The following ZNF273 variants were observed in gnomAD, a reference collection of about 807,000 sequenced individuals.
The protein encoded by ZNF273 is zinc finger protein 9.
A neutral mutation model predicts 14.9 loss-of-function variants in ZNF273; 11 were observed. The ratio of observed to expected loss-of-function variants is 0.74; its 90% CI spans 0.46 to 1.22. ZNF273 has a LOEUF of 1.22. ZNF273 is among the 50% of genes most tolerant of loss of function. The pLI is 0.00. For synonymous variants in ZNF273, 199 were observed against 223.9 expected (o/e 0.89, Z 0.99); for missense variants, 577 against 660.6 (o/e 0.87, Z 1.39).
rs376550406 is a variant in ZNF273 at position 64,929,855 on chromosome 7, G to GTTTT, written c.*820_*823dup. The GTTTT allele has an allele frequency of 4.1e-5, 6 of 148,082 alleles. No individual in the cohort carries two copies. Among genetic ancestry groups the GTTTT allele is most frequent in the East Asian group, 4.1e-4 (2 of 4,832 alleles). The allele number at this position is 148,082 out of a possible 1,614,324, so 9.2% of individuals were successfully genotyped here. On this transcript the variant is annotated 3_prime_UTR_variant, in exon 4 of 4. Coordinates refer to ENST00000476120, the MANE Select transcript of ZNF273 (RefSeq NM_021148.3). ...TTTTTTTTTTTGGTTTTGGTTTTGG[G>GTTTT]TTTTTTGTTTGTTTGTTTGTTTGTT...
At position 64,930,425 on chromosome 7, in the gene ZNF273, A is replaced by T. The variant is rs1794964473; in HGVS notation, c.*1387A>T. The T allele has an allele frequency of 6.6e-6, 1 of 152,142 alleles. No homozygotes were observed. Among genetic ancestry groups the T allele is most frequent in the South Asian group, 2.1e-4 (1 of 4,832 alleles). 9.4% of individuals were successfully genotyped at this position (152,142 alleles called of 1,614,324 possible). ...TTATAGTGAAAAATTTTTAATATTA[A>T]AATTCAATTATATCATTTTATGAAT... On this transcript the variant is annotated 3_prime_UTR_variant, in exon 4 of 4. Transcript: ENST00000476120.
At chr7:64,889,023 A>G, downstream of ZNF273, 1 of 985,952 alleles carries the variant, frequency 1.0e-6, no homozygotes, top group South Asian at 4.7e-5. The surrounding 1 kb of genome is among the most constrained non-coding windows in gnomAD (Gnocchi z 4.2). Context: ...CCTACAAGGA[A>G]CCGAGTGTCC....
chr7:64,927,543 TTTG>T (rs1205430839), intron 3 of ZNF273, 108 bp from the exon 4 acceptor site: 1 of 894,262 alleles, frequency 1.1e-6, no homozygotes. Context: ...CCTGTGGTAT[TTTG>T]CTATACCATC....
chr7:64,927,616 C>A, intron 3 of ZNF273, 38 bp from the exon 4 acceptor site: 1 of 1,499,952 alleles, frequency 6.7e-7, no homozygotes, highest in South Asian at 1.4e-5. Context: ...TCATCTGAGT[C>A]TAGTAAGTGG....
intron 1 of ZNF273, among the ~76,000 whole-genome samples, chr7:64,917,348 T>C (rs1389821291): frequency 6.6e-6 from 1 of 152,248 alleles, no homozygotes; most frequent in African/African-American, 2.4e-5. Flanking sequence ...CTTTATTATC[T>C]AGAAAAGTAT....
rs1321068214 is a variant in ZNF273 at position 64,888,399 on chromosome 7, A to C, written n.274-174A>C. On this transcript the variant is annotated intron_variant and non_coding_transcript_variant, in intron 1 of 1. Transcript: ENST00000471926. ...ATGAGAGGGAGAGAGAGCGAGCTGT[A>C]AGGGAAGCAGGTGACACGGGGCTGG... The C allele has an allele frequency of 3.0e-6, 3 of 985,518 alleles. No individual in the cohort carries two copies. The African/African-American group carries it at 5.2e-5, about 17-fold the overall frequency. 61.0% of individuals were successfully genotyped at this position (985,518 alleles called of 1,614,324 possible).
chr7:64,910,885 C>T (rs187744318), intron 1 of ZNF273, among the ~76,000 whole-genome samples: 31 of 151,784 alleles, frequency 2.0e-4, no homozygotes, highest in African/African-American at 7.5e-4. Flanking sequence ...CCAGCCTCAG[C>T]CTCCTAAGTA....
chr7:64,889,125 CG>C (rs1253417927), downstream of ZNF273: 4 of 985,952 alleles, frequency 4.1e-6, no homozygotes, highest in Non-Finnish European at 4.8e-6. This position sits in a 1 kb window ranked among gnomAD's most constrained non-coding sequence, Gnocchi z 4.2. Context: ...AGCAGGGATC[CG>C]GGCCTCGTTG....
chr7:64,903,661 C>T (rs1191008302), intron 1 of ZNF273, among the ~76,000 whole-genome samples: 1 of 152,220 alleles, frequency 6.6e-6, no homozygotes, highest in Non-Finnish European at 1.5e-5. Context: ...GCCTGGAGCC[C>T]TCCCTGGGCA....
downstream of ZNF273, among the ~76,000 whole-genome samples, chr7:64,883,837 G>A (rs905526838): frequency 3.9e-5 from 6 of 152,176 alleles, no homozygotes; most frequent in Non-Finnish European, 5.9e-5. Context: ...GGCTTCTACA[G>A]TAAACCTTTC....
intron 1 of ZNF273, among the ~76,000 whole-genome samples, chr7:64,914,326 C>T (rs1444677855): frequency 6.8e-5 from 10 of 147,774 alleles, no homozygotes; most frequent in African/African-American, 1.7e-4. Flanking sequence ...CATGAGCCAC[C>T]ACACCTGGAC....
At chr7:64,914,831 A>C (rs1363430370) in intron 1 of ZNF273, among the ~76,000 whole-genome samples, 1 of 105,028 alleles carries the variant, frequency 9.5e-6, no homozygotes, top group Non-Finnish European at 2.0e-5. Context: ...GACACTTCAA[A>C]GGCACATTCT....
chr7:64,892,367 ATAGT>A (rs141638441), downstream of ZNF273, among the ~76,000 whole-genome samples: 1,751 of 152,352 alleles, frequency 0.011, 30 homozygotes, highest in African/African-American at 0.04. Context: ...TGCTTGGCTC[ATAGT>A]TAGTGCTCAG....
chr7:64,881,474 C>G (rs562884904), downstream of ZNF273, among the ~76,000 whole-genome samples: 8 of 152,368 alleles, frequency 5.3e-5, no homozygotes, highest in African/African-American at 1.9e-4. Flanking sequence ...CCGTTACATC[C>G]GCCAACAAGG....
upstream of ZNF273, among the ~76,000 whole-genome samples, chr7:64,902,409 CTG>C (rs1405374241): frequency 2.0e-5 from 3 of 152,134 alleles, no homozygotes; most frequent in African/African-American, 7.2e-5. Flanking sequence ...CCTCAAATAT[CTG>C]AGACAGATCT....
At chr7:64,892,945 A>C (rs890889586), downstream of ZNF273, among the ~76,000 whole-genome samples, 1 of 152,100 alleles carries the variant, frequency 6.6e-6, no homozygotes, top group African/African-American at 2.4e-5. Context: ...TTTACTCTAC[A>C]TGTAGTAACA....
chr7:64,912,369 T>C (rs1407892011), intron 1 of ZNF273, among the ~76,000 whole-genome samples: 1 of 152,256 alleles, frequency 6.6e-6, no homozygotes, highest in African/African-American at 2.4e-5. Context: ...CAATAATCTG[T>C]CTAATAGTGT....
chr7:64,925,434 TTTTG>T (rs1228885062), intron 3 of ZNF273, among the ~76,000 whole-genome samples: 1 of 149,944 alleles, frequency 6.7e-6, no homozygotes, highest in Non-Finnish European at 1.5e-5. Flanking sequence ...TACAAAGTTT[TTTTG>T]TTTGTTTTTG....
chr7:64,908,281 G>A (rs1254558596), intron 1 of ZNF273, among the ~76,000 whole-genome samples: 4 of 152,176 alleles, frequency 2.6e-5, no homozygotes, highest in African/African-American at 9.7e-5. Context: ...CGTGGTACAC[G>A]TGCTGATTTG....
Sources: allele counts gnomAD v4.1 joint callset (sites outside exome capture counted in the v4.1 genomes callset), GRCh38; gene constraint gnomAD v4.1.1; non-coding constraint Gnocchi (gnomAD v3.1); transcripts MANE v1.5; gene names NCBI Gene and HGNC (gene_info 2026-07-23, HGNC 2026-07-21).